CNGB3: variants seen among roughly 807,000 people sequenced by gnomAD.
CNGB3 encodes cyclic nucleotide-gated channel beta-3.
Under a neutral mutation model 92.8 loss-of-function variants are expected in CNGB3, and 86 were observed. The ratio of observed to expected loss-of-function variants is 0.93; its 90% CI spans 0.78 to 1.11. CNGB3 has a LOEUF of 1.11. Ranked by LOEUF, CNGB3 falls within the 50% of genes least tolerant of loss-of-function variation. The probability of loss-of-function intolerance (pLI) is 0.00; values close to 1 mark genes in which losing one functional copy is unlikely to be tolerated. For synonymous variants in CNGB3, 333 were observed against 332.7 expected (o/e 1.00, Z -0.01); for missense variants, 1,026 against 956.8 (o/e 1.07, Z -0.95).
chr8:86,739,537 T>A, intron 2 of CNGB3, 118 bp downstream of exon 2: 1 of 1,475,318 alleles, frequency 6.8e-7, no homozygotes, highest in Non-Finnish European at 9.1e-7. Context: ...ATAACCTCAG[T>A]ATGACCCTAG....
At chr8:86,662,530 G>A (rs1306393518) in intron 6 of CNGB3, among the ~76,000 whole-genome samples, 1 of 152,190 alleles carries the variant, frequency 6.6e-6, no homozygotes, top group Non-Finnish European at 1.5e-5. Flanking sequence ...GCCAGACCCT[G>A]AGCTAGGTGT....
intron 10 of CNGB3, 60 bp from the exon 11 acceptor site, chr8:86,632,953 C>A (rs1822991686): frequency 1.4e-6 from 2 of 1,470,110 alleles, no homozygotes; most frequent in Non-Finnish European, 1.9e-6. Flanking sequence ...GACCACTATT[C>A]TTGGGAGAAT....
chr8:86,582,763 A>G (rs1821814234), intron 15 of CNGB3, among the ~76,000 whole-genome samples: 1 of 152,206 alleles, frequency 6.6e-6, no homozygotes, highest in Non-Finnish European at 1.5e-5. Flanking sequence ...AAACAAAGTC[A>G]TTGTCAGAAA....
At chr8:86,655,599 G>A (rs1239283923) in intron 6 of CNGB3, among the ~76,000 whole-genome samples, 3 of 152,084 alleles carry the variant, frequency 2.0e-5, no homozygotes, top group South Asian at 2.1e-4. Flanking sequence ...GAGCCTTATA[G>A]CACCCTGGGC....
At chr8:86,595,804 T>C (rs565640194) in intron 15 of CNGB3, among the ~76,000 whole-genome samples, 1 of 152,244 alleles carries the variant, frequency 6.6e-6, no homozygotes, top group South Asian at 2.1e-4. Context: ...AAAAACTGAG[T>C]ATTCAGAAGA....
chr8:86,684,315 G>A (rs892603766), intron 3 of CNGB3, among the ~76,000 whole-genome samples: 1 of 152,074 alleles, frequency 6.6e-6, no homozygotes, highest in Non-Finnish European at 1.5e-5. Flanking sequence ...ACATCTATCA[G>A]AATGGCTAAA....
intron 11 of CNGB3, 64 bp downstream of exon 11, chr8:86,632,688 A>G (rs1196535883): frequency 3.3e-6 from 5 of 1,528,140 alleles, no homozygotes; most frequent in Non-Finnish European, 4.5e-6. Flanking sequence ...CATAAAGTTT[A>G]CAAAGACCTG....
At chr8:86,677,618 C>T (rs749286506) in intron 3 of CNGB3, among the ~76,000 whole-genome samples, 2 of 151,932 alleles carry the variant, frequency 1.3e-5, no homozygotes, top group Non-Finnish European at 2.9e-5. Context: ...TACGGCATAG[C>T]ATAAGAAAAG....
rs949830872 is a variant in CNGB3, at chr8:86,625,939, A to T, written c.1578+44T>A. 4.1e-6 allele frequency: 6 copies of T among 1,463,616 alleles called. No homozygotes were observed. The African/African-American group carries it at 8.4e-5, about 20-fold the overall frequency. The allele number at this position is 1,463,616 out of a possible 1,614,324, so 90.7% of individuals were successfully genotyped here. The stretch of plus-strand genomic sequence containing the variant: ...TGTATAAATCAAGAGCTTAGATTCC[A>T]TAGAGAAATAGATACAGAGTCTATT... On this transcript the variant is annotated intron_variant, in intron 13 of 17. Coordinates refer to ENST00000320005, the MANE Select transcript of CNGB3 (RefSeq NM_019098.5).
At chr8:86,675,596 T>C (rs1203347069) in intron 3 of CNGB3, among the ~76,000 whole-genome samples, 1 of 152,036 alleles carries the variant, frequency 6.6e-6, no homozygotes, top group Non-Finnish European at 1.5e-5. Context: ...TTATTTTTTC[T>C]AGAGATGGGG....
intron 13 of CNGB3, among the ~76,000 whole-genome samples, chr8:86,620,799 C>G (rs1434155953): frequency 6.6e-6 from 1 of 151,938 alleles, no homozygotes; most frequent in Non-Finnish European, 1.5e-5. Context: ...TATTTCCTTC[C>G]TAAGAAAATA....
chr8:86,636,547 G>A (rs962303387), intron 10 of CNGB3, among the ~76,000 whole-genome samples: 1 of 133,308 alleles, frequency 7.5e-6, no homozygotes, highest in Admixed American at 8.0e-5. Flanking sequence ...CACTCTAGCC[G>A]GGGTGACAGA....
intron 2 of CNGB3, among the ~76,000 whole-genome samples, chr8:86,729,210 T>G (rs1197625675): frequency 6.6e-6 from 1 of 152,306 alleles, no homozygotes; most frequent in South Asian, 2.1e-4. Context: ...GGGCTATTTC[T>G]TATAAAGCCA....
At chr8:86,681,561 A>G (rs1359196311) in intron 3 of CNGB3, among the ~76,000 whole-genome samples, 2 of 152,206 alleles carry the variant, frequency 1.3e-5, no homozygotes, top group Non-Finnish European at 2.9e-5. Flanking sequence ...AAGAAACTGT[A>G]GGGAAACATT....
At chr8:86,615,691 T>C (rs1009586119) in intron 13 of CNGB3, among the ~76,000 whole-genome samples, 4 of 152,102 alleles carry the variant, frequency 2.6e-5, no homozygotes, top group Non-Finnish European at 5.9e-5. Context: ...CAACCAATAG[T>C]GTGGTCTGAA....
At chr8:86,634,471 A>G (rs541697269) in intron 10 of CNGB3, among the ~76,000 whole-genome samples, 1 of 152,266 alleles carries the variant, frequency 6.6e-6, no homozygotes, top group Non-Finnish European at 1.5e-5. Flanking sequence ...AGTCAAAGAC[A>G]TCTGTATATA....
In CNGB3 at chr8:86,628,994, A is replaced by T. The variant is rs35365413; in HGVS notation, c.1405T>A (p.Tyr469Asn). The T allele has an allele frequency of 2.5e-5, 41 of 1,613,918 alleles. No homozygotes were observed. Among genetic ancestry groups the T allele is most frequent in the Admixed American group, 6.7e-5 (4 of 59,968 alleles). Residue 469 changes from tyrosine to asparagine, a missense_variant, in exon 12 of 18, where the codon TAC becomes AAC. Physicochemically the swap from Tyr to Asn is moderately radical, Grantham distance 143 (BLOSUM62 -2). Transcript: ENST00000320005. ...MDDTIAYMNNYSIPKLVQKRV... is the reference protein window; with the variant it reads ...MDDTIAYMNNNSIPKLVQKRV... The stretch of plus-strand genomic sequence containing the variant: ...TTTTGCACAAGTTTAGGAATGGAGT[A>T]ATTGTTCATGTAGGCAATGGTGTCA...
intron 13 of CNGB3, among the ~76,000 whole-genome samples, chr8:86,625,777 A>G (rs1822834188): frequency 6.6e-6 from 1 of 152,210 alleles, no homozygotes; most frequent in African/African-American, 2.4e-5. Context: ...GACACCAATT[A>G]GAAGAGAAAG....
At chr8:86,662,796 C>T (rs1484129541) in intron 6 of CNGB3, among the ~76,000 whole-genome samples, 1 of 152,146 alleles carries the variant, frequency 6.6e-6, no homozygotes, top group South Asian at 2.1e-4. Flanking sequence ...AACCTTTTCA[C>T]ACAATAAAGC....
Sources: gnomAD v4.1 joint callset for allele counts (sites outside exome capture counted in the v4.1 genomes callset) on GRCh38, gnomAD v4.1.1 for gene constraint, MANE v1.5 for transcripts, NCBI Gene and HGNC (gene_info 2026-07-23, HGNC 2026-07-21) for gene names.